NRG1: variants seen among roughly 807,000 people sequenced by gnomAD.
NRG1 encodes neuregulin 1.
A neutral mutation model predicts 63.8 loss-of-function variants in NRG1; 18 were observed. The observed-to-expected ratio is 0.28, with a 90% CI of 0.19 to 0.42. The LOEUF (loss-of-function observed/expected upper bound fraction) is 0.42, where lower values mean the gene tolerates loss of function less well. Ranked by LOEUF, NRG1 falls within the 10% of genes least tolerant of loss-of-function variation. The probability of loss-of-function intolerance (pLI) is 1.00; values close to 1 mark genes in which losing one functional copy is unlikely to be tolerated. For missense variants in NRG1, 762 were observed against 814.7 expected, an observed-to-expected ratio of 0.94 and a Z score of 0.79; for synonymous variants, 302 against 301.3, an observed-to-expected ratio of 1.00 and a Z score of -0.02.
At chr8:32,640,271 ACACGCACG>A (rs1177018196) in intron 5 of NRG1, among the ~76,000 whole-genome samples, 1 of 151,210 alleles carries the variant, frequency 6.6e-6, no homozygotes, top group Non-Finnish European at 1.5e-5. Context: ...ACACACACAC[ACACGCACG>A]CACACACACC....
At chr8:32,006,158 C>T (rs1813732739) in intron 1 of NRG1, among the ~76,000 whole-genome samples, 1 of 152,014 alleles carries the variant, frequency 6.6e-6, no homozygotes, top group African/African-American at 2.4e-5. Flanking sequence ...CCAATATTCA[C>T]AGAACCACCT....
At chr8:32,281,184 C>CTTTTT (rs35582021) in intron 1 of NRG1, among the ~76,000 whole-genome samples, 1 of 94,326 alleles carries the variant, frequency 1.1e-5, no homozygotes, top group Non-Finnish European at 2.0e-5. Flanking sequence ...GTAGTTTTTC[C>CTTTTT]TTTTTTTTTT....
At chr8:31,844,266 G>A (rs1019508185) in intron 1 of NRG1, among the ~76,000 whole-genome samples, 8 of 152,228 alleles carry the variant, frequency 5.3e-5, no homozygotes, top group South Asian at 2.1e-4. Context: ...AGGGAGTATC[G>A]CTGTGCTAAA....
intron 1 of NRG1, among the ~76,000 whole-genome samples, chr8:32,436,587 G>T (rs1037324607): frequency 1.3e-5 from 2 of 152,114 alleles, no homozygotes; most frequent in Non-Finnish European, 2.9e-5. Context: ...TTAAGCATGA[G>T]TCCCATCACT....
intron 1 of NRG1, among the ~76,000 whole-genome samples, chr8:32,121,924 A>G (rs1833503892): frequency 6.6e-6 from 1 of 152,060 alleles, no homozygotes; most frequent in African/African-American, 2.4e-5. Flanking sequence ...AAACAATTCA[A>G]GGTGCATTAA....
chr8:32,264,872 T>C (rs549803796), intron 1 of NRG1, among the ~76,000 whole-genome samples: 1 of 151,244 alleles, frequency 6.6e-6, no homozygotes, highest in African/African-American at 2.4e-5. Flanking sequence ...GGAAGTGGCA[T>C]ATCAACAGGG....
intron 1 of NRG1, among the ~76,000 whole-genome samples, chr8:31,820,538 AC>A (rs1317791907): frequency 6.6e-6 from 1 of 152,068 alleles, no homozygotes; most frequent in African/African-American, 2.4e-5. Context: ...TTGCTAAGAA[AC>A]CCCAGATCAT....
chr8:32,567,419 A>G (rs548622889), intron 1 of NRG1, among the ~76,000 whole-genome samples: 2 of 152,370 alleles, frequency 1.3e-5, no homozygotes, highest in South Asian at 4.1e-4. Context: ...TTGCCAATGC[A>G]TCAAAAATTA....
At chr8:31,900,268 C>T (rs1254295036) in intron 1 of NRG1, among the ~76,000 whole-genome samples, 4 of 152,006 alleles carry the variant, frequency 2.6e-5, no homozygotes, top group East Asian at 1.9e-4. Flanking sequence ...AAGATACTGG[C>T]GACCACACAC....
At chr8:31,745,335 C>G (rs1356959043) in intron 1 of NRG1, among the ~76,000 whole-genome samples, 4 of 151,872 alleles carry the variant, frequency 2.6e-5, no homozygotes, top group Non-Finnish European at 5.9e-5. Flanking sequence ...AGTGCTTTAA[C>G]TACTAAGCAG....
chr8:32,598,812 G>A (rs1294736299), intron 2 of NRG1, among the ~76,000 whole-genome samples: 1 of 152,120 alleles, frequency 6.6e-6, no homozygotes, highest in African/African-American at 2.4e-5. Context: ...GAAGAGCATT[G>A]TCAGCTTTTT....
intron 1 of NRG1, among the ~76,000 whole-genome samples, chr8:32,017,173 T>C (rs1815672630): frequency 6.6e-6 from 1 of 152,212 alleles, no homozygotes; most frequent in Non-Finnish European, 1.5e-5. Flanking sequence ...ACATTAAAAG[T>C]ACCCAGAAAA....
intron 1 of NRG1, among the ~76,000 whole-genome samples, chr8:31,850,942 C>T (rs548975419): frequency 6.6e-6 from 1 of 152,296 alleles, no homozygotes; most frequent in East Asian, 1.9e-4. Flanking sequence ...GCAGTATTTA[C>T]TGTTGTTGGA....
chr8:32,116,028 C>T (rs1227915121), intron 1 of NRG1, among the ~76,000 whole-genome samples: 8 of 152,120 alleles, frequency 5.3e-5, no homozygotes, highest in Non-Finnish European at 1.2e-4. Context: ...CTTAGTGCCA[C>T]CTCCCATTTA....
chr8:32,356,833 G>T (rs1436335796), intron 1 of NRG1, among the ~76,000 whole-genome samples: 2 of 152,094 alleles, frequency 1.3e-5, no homozygotes, highest in African/African-American at 4.8e-5. Context: ...GTTCTAAAAT[G>T]AAGAGACTAA....
chr8:32,525,356 A>G (rs1453849687), intron 1 of NRG1, among the ~76,000 whole-genome samples: 4 of 151,788 alleles, frequency 2.6e-5, no homozygotes, highest in Non-Finnish European at 5.9e-5. Flanking sequence ...CAGTTTTTCT[A>G]GACAAGATTA....
chr8:32,571,883 T>C (rs1838664580), intron 1 of NRG1, among the ~76,000 whole-genome samples: 1 of 151,970 alleles, frequency 6.6e-6, no homozygotes, highest in Non-Finnish European at 1.5e-5. Context: ...TATGCTCATT[T>C]TAAGTTACAA....
chr8:31,805,222 A>G (rs2131741030), intron 1 of NRG1, among the ~76,000 whole-genome samples: 1 of 152,176 alleles, frequency 6.6e-6, no homozygotes, highest in African/African-American at 2.4e-5. Flanking sequence ...ATATGGTCTG[A>G]TCAAAGTATA....
intron 1 of NRG1, among the ~76,000 whole-genome samples, chr8:31,710,177 G>T (rs1377117659): frequency 6.6e-6 from 1 of 151,688 alleles, no homozygotes; most frequent in African/African-American, 2.4e-5. Flanking sequence ...TTTGGAGGGG[G>T]TTTTAAAATT....
Sources: allele counts gnomAD v4.1 joint callset (sites outside exome capture counted in the v4.1 genomes callset), GRCh38; gene constraint gnomAD v4.1.1; transcripts MANE v1.5; gene names NCBI Gene and HGNC (gene_info 2026-07-23, HGNC 2026-07-21).